Variants in ESR1 observed in about 807,000 individuals in gnomAD.
The protein encoded by ESR1 is estrogen receptor.
A neutral mutation model predicts 52.7 loss-of-function variants in ESR1; 12 were observed. The observed-to-expected ratio is 0.23, with a 90% CI of 0.15 to 0.37. ESR1 has a LOEUF of 0.37. Ranked by LOEUF, ESR1 falls within the 10% of genes least tolerant of loss-of-function variation. The pLI, the probability that ESR1 is intolerant of heterozygous loss-of-function variation, is 1.00. For synonymous variants in ESR1, 305 were observed against 316.8 expected, an observed-to-expected ratio of 0.96 and a Z score of 0.39; for missense variants, 584 against 779.7, an observed-to-expected ratio of 0.75 and a Z score of 2.99.
chr6:151,661,591 G>T (rs190256657), intron 1 of ESR1, among the ~76,000 whole-genome samples: 62 of 152,320 alleles, frequency 4.1e-4, no homozygotes, highest in Non-Finnish European at 6.9e-4. Flanking sequence ...TGCACAGCCT[G>T]TTTGAGCACC....
chr6:151,992,894 T>A (rs1219900195), intron 4 of ESR1, among the ~76,000 whole-genome samples: 2 of 152,144 alleles, frequency 1.3e-5, no homozygotes, highest in Admixed American at 1.3e-4. Flanking sequence ...TTATAACATA[T>A]ATTATCTAGT....
At chr6:152,070,420 C>G (rs1238252238) in intron 6 of ESR1, among the ~76,000 whole-genome samples, 1 of 137,522 alleles carries the variant, frequency 7.3e-6, no homozygotes, top group Non-Finnish European at 1.5e-5. Flanking sequence ...TTCCTGAGCC[C>G]AAAAGTAGAA....
chr6:152,111,302 A>G (rs545573899), intron 6 of ESR1, among the ~76,000 whole-genome samples: 26 of 152,276 alleles, frequency 1.7e-4, no homozygotes, highest in African/African-American at 5.5e-4. Context: ...GTGATTTCGA[A>G]AGTGGGTGGG....
chr6:152,079,530 G>C (rs561294044), intron 6 of ESR1, among the ~76,000 whole-genome samples: 1 of 152,262 alleles, frequency 6.6e-6, no homozygotes, highest in South Asian at 2.1e-4. Context: ...ACAAAGATGG[G>C]GAGAAACCAG....
At chr6:152,109,034 TCTTA>T (rs1299566357) in intron 6 of ESR1, among the ~76,000 whole-genome samples, 1 of 152,006 alleles carries the variant, frequency 6.6e-6, no homozygotes, top group Admixed American at 6.6e-5. Flanking sequence ...AGCAAGGACT[TCTTA>T]CTTTGCCAGG....
chr6:152,122,393 C>T, intron 6 of ESR1: 1 of 1,613,644 alleles, frequency 6.2e-7, no homozygotes, highest in Non-Finnish European at 8.5e-7. Flanking sequence ...TGACCCGATC[C>T]TCCTTATGCT....
At chr6:151,741,940 C>T (rs532814810) in intron 2 of ESR1, among the ~76,000 whole-genome samples, 1 of 152,270 alleles carries the variant, frequency 6.6e-6, no homozygotes, top group African/African-American at 2.4e-5. Flanking sequence ...TTCTTCCCTT[C>T]CCCCAACCCT....
chr6:152,076,434 G>T (rs933056374), intron 6 of ESR1, among the ~76,000 whole-genome samples: 1 of 152,162 alleles, frequency 6.6e-6, no homozygotes, highest in Non-Finnish European at 1.5e-5. Flanking sequence ...TTTATCAGCA[G>T]CACGAAAATG....
Position 152,099,986 on chromosome 6 carries a change from G to C in ESR1, c.*1020G>C. Reference sequence around the variant, plus strand: ...GCATTTAGCCCTGGGGCATGGAGCTGAACAGTACTTGTGCAGGATTGTTGT... The same window carrying C: ...GCATTTAGCCCTGGGGCATGGAGCTCAACAGTACTTGTGCAGGATTGTTGT... On this transcript the variant is annotated 3_prime_UTR_variant, in exon 8 of 8. Transcript: ENST00000206249. The C allele has an allele frequency of 2.5e-6, 1 of 398,932 alleles. No homozygotes were observed. The highest frequency in any genetic ancestry group is 4.4e-6 in the Non-Finnish European group (1 of 226,356). 24.7% of individuals were successfully genotyped at this position (398,932 alleles called of 1,614,324 possible). A position where few individuals can be genotyped will look rare whatever the true frequency, so the allele number is the denominator to read the frequency against.
intron 6 of ESR1, among the ~76,000 whole-genome samples, chr6:152,120,351 A>G: frequency 6.6e-6 from 1 of 152,138 alleles, no homozygotes; most frequent in East Asian, 1.9e-4. Flanking sequence ...GCACCCTTCA[A>G]CGCCAATGGC....
intron 2 of ESR1, among the ~76,000 whole-genome samples, chr6:151,712,133 T>C (rs1283137813): frequency 6.6e-6 from 1 of 152,194 alleles, no homozygotes; most frequent in African/African-American, 2.4e-5. Flanking sequence ...TTGTCAGGTT[T>C]GCCAAAGATC....
intron 2 of ESR1, among the ~76,000 whole-genome samples, chr6:151,767,725 A>C (rs1054553392): frequency 2.0e-5 from 3 of 152,212 alleles, no homozygotes; most frequent in Non-Finnish European, 4.4e-5. Flanking sequence ...GATTTTCTTA[A>C]CCCAAGTTCA....
intron 1 of ESR1, among the ~76,000 whole-genome samples, chr6:151,815,592 A>G (rs995551764): frequency 1.3e-5 from 2 of 152,194 alleles, no homozygotes; most frequent in Non-Finnish European, 2.9e-5. Context: ...GAAGTTTGTG[A>G]ATCTCTCTTT....
intron 1 of ESR1, among the ~76,000 whole-genome samples, chr6:151,699,499 G>A (rs1374071481): frequency 3.9e-5 from 6 of 152,162 alleles, no homozygotes; most frequent in Non-Finnish European, 8.8e-5. Flanking sequence ...AAACATCTGT[G>A]AGCTTAAACC....
intron 4 of ESR1, among the ~76,000 whole-genome samples, chr6:151,985,501 C>T (rs2040374565): frequency 1.2e-5 from 1 of 84,664 alleles, no homozygotes; most frequent in Admixed American, 1.6e-4. Context: ...GAGTGAGACT[C>T]TGTCTCAAAA....
In ESR1 at chr6:151,944,198, G is replaced by A. The variant is rs2035444571; in HGVS notation, c.786G>A (p.Gly262=). The A allele has an allele frequency of 6.2e-7, 1 of 1,613,926 alleles. No homozygotes were observed. Among genetic ancestry groups the A allele is most frequent in the African/African-American group, 1.3e-5 (1 of 74,888 alleles). Residue 262 remains glycine, a synonymous_variant, in exon 4 of 8, where the codon GGG becomes GGA. Transcript: ENST00000206249. The stretch of plus-strand genomic sequence containing the variant: ...GGATACGAAAAGACCGAAGAGGAGG[G>A]AGAATGTTGAAACACAAGCGCCAGA... ...KGGIRKDRRG[G]RMLKHKRQRD... is the part of the protein sequence containing the mutation.
chr6:151,872,160 A>T (rs1774989392), intron 2 of ESR1, among the ~76,000 whole-genome samples: 1 of 152,200 alleles, frequency 6.6e-6, no homozygotes. Context: ...ATGGTCTCCC[A>T]CTTCATTTTG....
intron 3 of ESR1, among the ~76,000 whole-genome samples, chr6:151,942,366 G>T (rs2035171609): frequency 6.6e-6 from 1 of 152,174 alleles, no homozygotes; most frequent in Non-Finnish European, 1.5e-5. Context: ...ATACGTAACA[G>T]AGAATGATAT....
chr6:151,708,905 C>T (rs1347288419), intron 2 of ESR1, among the ~76,000 whole-genome samples: 4 of 152,146 alleles, frequency 2.6e-5, no homozygotes, highest in Admixed American at 6.5e-5. Flanking sequence ...ATATATCACA[C>T]GTTGTGGAAT....
Sources: allele counts gnomAD v4.1 joint callset (sites outside exome capture counted in the v4.1 genomes callset), GRCh38; gene constraint gnomAD v4.1.1; transcripts MANE v1.5; gene names NCBI Gene and HGNC (gene_info 2026-07-23, HGNC 2026-07-21).